NELL1: variants seen among roughly 807,000 people sequenced by gnomAD.
NELL1 encodes neural EGFL like 1.
Under a neutral mutation model 107.4 loss-of-function variants are expected in NELL1, and 76 were observed. The observed-to-expected ratio is 0.71, with a 90% CI of 0.59 to 0.86. NELL1 has a LOEUF of 0.86. Ranked by LOEUF, NELL1 falls within the 40% of genes least tolerant of loss-of-function variation. NELL1 has a pLI of 0.00. For missense variants in NELL1, 1,024 were observed against 1,005.5 expected, an observed-to-expected ratio of 1.02 and a Z score of -0.25; for synonymous variants, 353 against 341.2, an observed-to-expected ratio of 1.03 and a Z score of -0.38.
intron 16 of NELL1, among the ~76,000 whole-genome samples, chr11:21,556,645 G>T (rs1856717709): frequency 6.6e-6 from 1 of 151,904 alleles, no homozygotes; most frequent in African/African-American, 2.4e-5. Flanking sequence ...GGCACAACTA[G>T]ATTGTTTTAA....
At chr11:21,028,797 G>C (rs1027449044) in intron 12 of NELL1, among the ~76,000 whole-genome samples, 2 of 152,046 alleles carry the variant, frequency 1.3e-5, no homozygotes, top group African/African-American at 4.8e-5. Context: ...TGTCTCTAAT[G>C]ATTTATTTTA....
intron 2 of NELL1, among the ~76,000 whole-genome samples, chr11:20,709,891 A>T (rs1368760878): frequency 6.6e-6 from 1 of 152,034 alleles, no homozygotes; most frequent in African/African-American, 2.4e-5. Context: ...ATTTGTGTAC[A>T]TTGATTTTGT....
At chr11:20,692,580 A>T (rs1409526489) in intron 2 of NELL1, among the ~76,000 whole-genome samples, 1 of 150,248 alleles carries the variant, frequency 6.7e-6, no homozygotes, top group Admixed American at 6.6e-5. Context: ...TTCAGTTTCC[A>T]TGTAGTTGAG....
chr11:21,365,302 A>G (rs1851195560), intron 14 of NELL1, among the ~76,000 whole-genome samples: 1 of 152,180 alleles, frequency 6.6e-6, no homozygotes, highest in Admixed American at 6.5e-5. Context: ...AGAGCCCTAA[A>G]CGGAGAAAGC....
At chr11:21,003,214 C>T (rs1032192463) in intron 12 of NELL1, among the ~76,000 whole-genome samples, 2 of 152,072 alleles carry the variant, frequency 1.3e-5, no homozygotes, top group Non-Finnish European at 2.9e-5. Flanking sequence ...GCTTTTCCTG[C>T]AAATCATGCC....
At chr11:21,526,832 C>G (rs887831449) in intron 15 of NELL1, among the ~76,000 whole-genome samples, 3 of 152,216 alleles carry the variant, frequency 2.0e-5, no homozygotes, top group African/African-American at 7.2e-5. Context: ...GCCCTGGACT[C>G]AGCCCCAAAA....
chr11:21,288,811 C>T (rs1406616368), intron 14 of NELL1, among the ~76,000 whole-genome samples: 1 of 152,124 alleles, frequency 6.6e-6, no homozygotes, highest in Non-Finnish European at 1.5e-5. Flanking sequence ...CTAAGAGCTC[C>T]AGAATCACCT....
At chr11:21,561,657 TCTACGA>T (rs1162751060) in intron 17 of NELL1, among the ~76,000 whole-genome samples, 1 of 152,082 alleles carries the variant, frequency 6.6e-6, no homozygotes, top group African/African-American at 2.4e-5. Flanking sequence ...CTTGTAACAC[TCTACGA>T]TGATATTTAT....
At chr11:21,302,839 TG>T (rs932465494) in intron 14 of NELL1, among the ~76,000 whole-genome samples, 2 of 151,542 alleles carry the variant, frequency 1.3e-5, no homozygotes, top group Non-Finnish European at 2.9e-5. Flanking sequence ...GAGGATCACT[TG>T]ATGTGAGGAG....
At chr11:20,846,515 A>AGGAAACAAAATAGTTTTGGCACCTG (rs1848704600) in intron 3 of NELL1, among the ~76,000 whole-genome samples, 1 of 152,094 alleles carries the variant, frequency 6.6e-6, no homozygotes, top group Non-Finnish European at 1.5e-5. Flanking sequence ...AGTTGACCAT[A>AGGAAACAAAATAGTTTTGGCACCTG]TGAATGAGTT....
chr11:20,783,270 C>T (rs370806639), intron 2 of NELL1, among the ~76,000 whole-genome samples: 109 of 152,268 alleles, frequency 7.2e-4, no homozygotes, highest in Admixed American at 3.9e-3. Flanking sequence ...AATTTAGGAC[C>T]ACATTTATCC....
intron 3 of NELL1, among the ~76,000 whole-genome samples, chr11:20,803,094 G>A (rs1857311858): frequency 1.3e-5 from 2 of 152,088 alleles, no homozygotes; most frequent in Non-Finnish European, 2.9e-5. Context: ...AATGAGTTTG[G>A]AAAAATTCCC....
At chr11:21,323,314 C>G (rs2133670679) in intron 14 of NELL1, among the ~76,000 whole-genome samples, 1 of 152,268 alleles carries the variant, frequency 6.6e-6, no homozygotes, top group East Asian at 1.9e-4. Flanking sequence ...GCTGATGGTT[C>G]TCTTCATGAA....
chr11:21,160,085 A>G (rs886289017), intron 13 of NELL1, among the ~76,000 whole-genome samples: 2 of 152,234 alleles, frequency 1.3e-5, no homozygotes, highest in Non-Finnish European at 2.9e-5. Flanking sequence ...AGAGAAAACC[A>G]CATTTGGATT....
At chr11:20,904,114 C>T (rs1052847306) in intron 5 of NELL1, among the ~76,000 whole-genome samples, 13 of 151,898 alleles carry the variant, frequency 8.6e-5, no homozygotes, top group South Asian at 4.1e-4. Context: ...TAACTCAGAA[C>T]GAGTTAGTGG....
At chr11:21,250,168 G>A (rs1858601444) in intron 14 of NELL1, among the ~76,000 whole-genome samples, 1 of 152,118 alleles carries the variant, frequency 6.6e-6, no homozygotes, top group Non-Finnish European at 1.5e-5. Flanking sequence ...TTGAGTACTG[G>A]GAAAGTTAAT....
At chr11:21,566,431 T>C (rs978147089) in intron 17 of NELL1, among the ~76,000 whole-genome samples, 3 of 151,472 alleles carry the variant, frequency 2.0e-5, no homozygotes, top group Non-Finnish European at 4.4e-5. Flanking sequence ...CCTATAATAT[T>C]TTTATGGCAT....
chr11:21,094,375 T>G (rs1854591835), intron 12 of NELL1, among the ~76,000 whole-genome samples: 1 of 152,226 alleles, frequency 6.6e-6, no homozygotes, highest in Admixed American at 6.5e-5. Flanking sequence ...TCTGCATCTT[T>G]TCCAGGCACA....
intron 12 of NELL1, among the ~76,000 whole-genome samples, chr11:21,057,453 A>C (rs1004450705): frequency 3.9e-5 from 6 of 152,018 alleles, no homozygotes; most frequent in African/African-American, 2.4e-5. Context: ...TTTTACTCTT[A>C]GGAATTTATC....
Sources: gnomAD v4.1 joint callset for allele counts (sites outside exome capture counted in the v4.1 genomes callset) on GRCh38, gnomAD v4.1.1 for gene constraint, MANE v1.5 for transcripts, NCBI Gene and HGNC (gene_info 2026-07-23, HGNC 2026-07-21) for gene names.